The following TMEM144 variants were observed in gnomAD, a reference collection of about 807,000 sequenced individuals.
TMEM144 encodes transmembrane protein 144.
In TMEM144, 39 loss-of-function variants were observed where a neutral mutation model predicts 43.6. That is an observed-to-expected ratio of 0.90 (90% confidence interval 0.69 to 1.17). The LOEUF is 1.17. Ranked by LOEUF, TMEM144 falls within the 50% of genes most tolerant of loss-of-function variation. TMEM144 has a pLI of 0.00. For missense variants in TMEM144, 417 were observed against 411.9 expected (o/e 1.01, Z -0.11); for synonymous variants, 154 against 133.6 (o/e 1.15, Z -1.06).
intron 12 of TMEM144, among the ~76,000 whole-genome samples, chr4:158,244,695 A>AC (rs1735802152): frequency 6.6e-6 from 1 of 152,176 alleles, no homozygotes; most frequent in African/African-American, 2.4e-5. Context: ...ATGGGAATGC[A>AC]TTCAGGTGAG....
Position 158,247,579 on chromosome 4 carries a change from T to TTG in TMEM144, c.954+3231_954+3232dup, listed in dbSNP as rs113395722. The stretch of plus-strand genomic sequence containing the variant: ...AGATATAAAATAAATATGAAATCAG[T>TTG]TGCCTTCCAATGTATCACCAACAAC... On this transcript the variant is annotated intron_variant, in intron 12 of 12. Transcript: ENST00000296529. Among the ~76,000 whole-genome samples the TTG allele has an allele frequency of 5.6e-3, 856 of 152,190 alleles. 11 individuals carry two copies. The highest frequency in any genetic ancestry group is 0.02 in the African/African-American group (821 of 41,550).
At chr4:158,218,822 A>G (rs1274884770) in intron 5 of TMEM144, among the ~76,000 whole-genome samples, 2 of 152,194 alleles carry the variant, frequency 1.3e-5, no homozygotes, top group Non-Finnish European at 2.9e-5. Flanking sequence ...AGGTATAATT[A>G]TTATCCCATT....
At chr4:158,212,392 A>G (rs1734001482) in intron 2 of TMEM144, among the ~76,000 whole-genome samples, 2 of 152,212 alleles carry the variant, frequency 1.3e-5, no homozygotes. Flanking sequence ...ATTTGTCTTC[A>G]GGGCTTGTTC....
At chr4:158,240,540 TTG>T (rs141564444) in intron 10 of TMEM144, 122 bp downstream of exon 10, 12,319 of 953,442 alleles carry the variant, frequency 0.013, no homozygotes, top group East Asian at 0.018. Context: ...TGTGTGTGTG[TTG>T]TGTGTGTGTG....
At chr4:158,221,339 A>G (rs1734497096) in intron 6 of TMEM144, among the ~76,000 whole-genome samples, 1 of 152,142 alleles carries the variant, frequency 6.6e-6, no homozygotes, top group South Asian at 2.1e-4. Flanking sequence ...AAACTACTGG[A>G]GGCACCACCA....
intron 12 of TMEM144, among the ~76,000 whole-genome samples, chr4:158,247,188 C>T (rs1374890964): frequency 6.6e-6 from 1 of 151,770 alleles, no homozygotes; most frequent in South Asian, 2.1e-4. Flanking sequence ...CTATACTAAC[C>T]TCTTAATAAG....
At position 158,215,218 on chromosome 4, in the gene TMEM144, C is replaced by T; in HGVS notation, c.137C>T (p.Ala46Val). The change falls in exon 4 of 13, where the codon GCT (alanine) becomes GTT (valine). Residue 46 changes from alanine (A) to valine (V), a missense_variant. By Grantham distance (64) the Ala-to-Val change is moderately conservative. Coordinates refer to ENST00000296529, the MANE Select transcript of TMEM144 (RefSeq NM_018342.5). ...ATGTTTCTCCAGTGGGTTCTTTGTG[C>T]TGCCATATGGTTGGTTGCCTTGGTT... ...DGMFLQWVLC[A>V]AIWLVALVVN... The T allele has an allele frequency of 6.2e-7, 1 of 1,613,818 alleles. No homozygotes were observed. Among genetic ancestry groups the T allele is most frequent in the Non-Finnish European group, 8.5e-7 (1 of 1,179,784 alleles).
At chr4:158,232,762 A>G in intron 6 of TMEM144, 139 bp from the exon 7 acceptor site, 3 of 616,616 alleles carry the variant, frequency 4.9e-6, no homozygotes, top group South Asian at 4.3e-5. Context: ...CGGCAGGACC[A>G]CTGAAGGGGC....
At chr4:158,214,799 A>G (rs575055514) in intron 3 of TMEM144, among the ~76,000 whole-genome samples, 4 of 152,312 alleles carry the variant, frequency 2.6e-5, no homozygotes, top group Non-Finnish European at 4.4e-5. Context: ...GGGAAGCAAG[A>G]GTACTCAGTG....
rs756954452 is a variant in TMEM144, at chr4:158,215,276, G to A, written c.195G>A (p.Trp65Ter). 4 of 1,613,796 alleles carry A rather than the reference G, an allele frequency of 2.5e-6. No individual in the cohort carries two copies. In the South Asian group the frequency reaches 3.3e-5, roughly 13 times the overall value. ...VNLILHCPKFWPFAMLGGCIW... is the reference protein window; with the variant it reads ...VNLILHCPKF The stretch of plus-strand genomic sequence containing the variant: ...TGATATTACATTGTCCAAAGTTTTG[G>A]CCTTTTGCAATGCTTGGGGGCTGCA... The change falls in exon 4 of 13, where the codon TGG (tryptophan) becomes TGA (stop). Residue 65 changes from tryptophan to a stop codon, truncating the protein, a stop_gained. Transcript: ENST00000296529. LOFTEE classifies it high-confidence loss of function.
chr4:158,247,971 G>A (rs1735977115), intron 12 of TMEM144, among the ~76,000 whole-genome samples: 1 of 151,220 alleles, frequency 6.6e-6, no homozygotes, highest in East Asian at 1.9e-4. Context: ...TCTGAAATGT[G>A]CAATTTAGAT....
intron 12 of TMEM144, among the ~76,000 whole-genome samples, chr4:158,246,703 C>G (rs1047975826): frequency 6.6e-6 from 1 of 151,954 alleles, no homozygotes; most frequent in East Asian, 1.9e-4. Flanking sequence ...TATATTTCAT[C>G]TACCTCACAA....
intron 12 of TMEM144, among the ~76,000 whole-genome samples, chr4:158,251,349 C>G (rs1394658016): frequency 1.3e-5 from 2 of 152,288 alleles, no homozygotes; most frequent in African/African-American, 4.8e-5. Context: ...TGCCCTTAAT[C>G]AGCAGGAAGT....
Position 158,215,253 on chromosome 4 carries a change from A to T in TMEM144, c.172A>T (p.Ile58Leu), listed in dbSNP as rs142339373. The change falls in exon 4 of 13, where the codon ATA becomes TTA. Residue 58 changes from isoleucine to leucine, a missense_variant. Physicochemically the swap from Ile to Leu is conservative, Grantham distance 5. Coordinates refer to ENST00000296529, the MANE Select transcript of TMEM144 (RefSeq NM_018342.5). ...IWLVALVVNLILHCPKFWPFA... is the reference protein window; with the variant it reads ...IWLVALVVNLLLHCPKFWPFA... Reference sequence around the variant, plus strand: ...GTTGGTTGCCTTGGTTGTCAATCTGATATTACATTGTCCAAAGTTTTGGCC... The same window carrying T: ...GTTGGTTGCCTTGGTTGTCAATCTGTTATTACATTGTCCAAAGTTTTGGCC... 2 of 1,613,854 alleles carry T rather than the reference A, an allele frequency of 1.2e-6. No homozygotes were observed. The highest frequency in any genetic ancestry group is 1.7e-6 in the Non-Finnish European group (2 of 1,179,824).
chr4:158,226,432 C>A (rs1386831355), intron 6 of TMEM144, among the ~76,000 whole-genome samples: 1 of 152,082 alleles, frequency 6.6e-6, no homozygotes, highest in African/African-American at 2.4e-5. Context: ...TGCATGATAC[C>A]TCTTTAACTT....
chr4:158,233,136 T>A, intron 7 of TMEM144, 154 bp downstream of exon 7: 1 of 541,428 alleles, frequency 1.8e-6, no homozygotes. Context: ...TAGGTCTATG[T>A]AGCAATCAAT....
intron 12 of TMEM144, among the ~76,000 whole-genome samples, chr4:158,245,675 A>ACCTGTAATC (rs1735857103): frequency 6.6e-6 from 1 of 152,100 alleles, no homozygotes; most frequent in Admixed American, 6.6e-5. Flanking sequence ...AGTGGCTCAC[A>ACCTGTAATC]CCTGTAATCC....
At chr4:158,234,079 C>G (rs1735216299) in intron 7 of TMEM144, 1 of 152,168 alleles carries the variant, frequency 6.6e-6, no homozygotes, top group Non-Finnish European at 1.5e-5. Flanking sequence ...TTTAAAGATC[C>G]ATAAACAGCA....
chr4:158,243,935 T>C (rs1735748241), intron 11 of TMEM144, among the ~76,000 whole-genome samples: 1 of 152,218 alleles, frequency 6.6e-6, no homozygotes, highest in South Asian at 2.1e-4. Context: ...TAGAAGCTTG[T>C]GCACACTTTT....
Sources: gnomAD v4.1 joint callset for allele counts (sites outside exome capture counted in the v4.1 genomes callset) on GRCh38, gnomAD v4.1.1 for gene constraint, MANE v1.5 for transcripts, NCBI Gene and HGNC (gene_info 2026-07-23, HGNC 2026-07-21) for gene names.